The following PFKFB3 variants were observed in gnomAD, a reference collection of about 807,000 sequenced individuals.
The protein encoded by PFKFB3 is 6-phosphofructo-2-kinase/fructose-2,6-bisphosphatase 3.
Under a neutral mutation model 68.0 loss-of-function variants are expected in PFKFB3, and 33 were observed. That is an observed-to-expected ratio of 0.49 (90% CI 0.37 to 0.65). PFKFB3 has a LOEUF of 0.65. PFKFB3 is among the 30% of genes least tolerant of loss of function. The pLI is 0.00. For missense variants in PFKFB3, 586 were observed against 712.2 expected, an observed-to-expected ratio of 0.82 and a Z score of 2.02; for synonymous variants, 315 against 288.2, an observed-to-expected ratio of 1.09 and a Z score of -0.94.
chr10:6,231,883 G>T (rs888004261), intron 14 of PFKFB3, among the ~76,000 whole-genome samples: 1 of 151,402 alleles, frequency 6.6e-6, no homozygotes, highest in African/African-American at 2.4e-5. Flanking sequence ...ATCACCTCTC[G>T]GCGGGCACCC....
chr10:6,222,780 G>A, intron 10 of PFKFB3, 75 bp from the exon 11 acceptor site: 1 of 1,510,438 alleles, frequency 6.6e-7, no homozygotes, highest in Non-Finnish European at 8.9e-7. Flanking sequence ...TGGCCGGTCT[G>A]ATGCAGTCTG....
intron 1 of PFKFB3, among the ~76,000 whole-genome samples, chr10:6,177,389 T>TTTCTTTCTTTCTTTCTTTC (rs1554842893): frequency 0.066 from 8,040 of 122,604 alleles, 593 homozygotes; most frequent in South Asian, 0.096. Flanking sequence ...TCTTTCTTTC[T>TTTCTTTCTTTCTTTCTTTC]TTCTTTCTTT....
At chr10:6,224,770 G>A in intron 13 of PFKFB3, 1 of 319,556 alleles carries the variant, frequency 3.1e-6, no homozygotes, top group Non-Finnish European at 6.1e-6. Flanking sequence ...AAAGGTGTGA[G>A]CCGTTGTGCC....
At chr10:6,263,449 C>T in the PFKFB3 span, among the ~76,000 whole-genome samples, 1 of 152,166 alleles carries the variant, frequency 6.6e-6, no homozygotes, top group Admixed American at 6.6e-5. Context: ...AGTTTTGGGG[C>T]CAGTTTATGG....
At position 6,203,821 on chromosome 10, in the gene PFKFB3, T is replaced by C. The variant is rs144200284; in HGVS notation, c.76+485T>C. On this transcript the variant is annotated intron_variant, in intron 1 of 14. Coordinates refer to ENST00000379775, the MANE Select transcript of PFKFB3 (RefSeq NM_004566.4). Reference sequence around the variant, plus strand: ...CACTTAATAACCTATTTCTCTGTCCTGTTTTCTCTTTCGATATATATGTCT... The same window carrying C: ...CACTTAATAACCTATTTCTCTGTCCCGTTTTCTCTTTCGATATATATGTCT... 5.1e-3 allele frequency among the ~76,000 whole-genome samples: 784 copies of C among 152,332 alleles called. 7 individuals carry two copies. Among genetic ancestry groups the C allele is most frequent in the African/African-American group, 0.016 (657 of 41,572 alleles).
At chr10:6,299,879 C>T in the PFKFB3 span, among the ~76,000 whole-genome samples, 1 of 150,876 alleles carries the variant, frequency 6.6e-6, no homozygotes, top group African/African-American at 2.4e-5. Flanking sequence ...TCCATGTTTC[C>T]TTCACTGTCT....
chr10:6,242,559 C>T (rs1846162866), intron 14 of PFKFB3, among the ~76,000 whole-genome samples: 1 of 152,068 alleles, frequency 6.6e-6, no homozygotes, highest in Non-Finnish European at 1.5e-5. Context: ...AAACTGTTCC[C>T]ACCGTAGTGC....
chr10:6,229,030 A>T lies in PFKFB3; in HGVS notation c.1515+2665A>T. On this transcript the variant is annotated intron_variant, in intron 14 of 14. Coordinates refer to ENST00000379775, the MANE Select transcript of PFKFB3 (RefSeq NM_004566.4). This position sits in a 1 kb window ranked among gnomAD's most constrained non-coding sequence, Gnocchi z 4.3. ...TTTAATGACAGCCACATGAAGTGTC[A>T]TCCCCTTGCCCCCCCAAAAACACAC... 1 of 476,902 alleles carries T rather than the reference A, an allele frequency of 2.1e-6. No individual in the cohort carries two copies. The highest frequency in any genetic ancestry group is 4.3e-6 in the Non-Finnish European group (1 of 229,886). 29.5% of individuals were successfully genotyped at this position (476,902 alleles called of 1,614,324 possible). A position where few individuals can be genotyped will look rare whatever the true frequency, so the allele number is the denominator to read the frequency against.
intron 1 of PFKFB3, chr10:6,146,580 C>T (rs943119): frequency 0.12 from 149,583 of 1,290,424 alleles, 9,378 homozygotes; most frequent in East Asian, 0.23. Flanking sequence ...CTGCAGGGGA[C>T]AATCATTTAT....
downstream of PFKFB3, among the ~76,000 whole-genome samples, chr10:6,240,232 A>G (rs965701471): frequency 1.5e-5 from 2 of 136,122 alleles, no homozygotes; most frequent in Non-Finnish European, 3.2e-5. Context: ...GGTTTTTGGA[A>G]AACTTTTTAT....
chr10:6,302,332 G>A, the PFKFB3 span, among the ~76,000 whole-genome samples: 1 of 137,980 alleles, frequency 7.2e-6, no homozygotes, highest in Non-Finnish European at 1.5e-5. Flanking sequence ...TGGGATTACA[G>A]ATATAAGCCA....
Position 6,170,115 on chromosome 10 carries a change from A to G in PFKFB3, c.16+25102A>G, listed in dbSNP as rs560385509. Among the ~76,000 whole-genome samples the G allele has an allele frequency of 9.8e-4, 150 of 152,292 alleles. 1 individual carries two copies. Among genetic ancestry groups the G allele is most frequent in the African/African-American group, 3.2e-3 (135 of 41,568 alleles). On this transcript the variant is annotated intron_variant, in intron 1 of 14. Coordinates refer to the PFKFB3 transcript ENST00000379789. Reference sequence around the variant, plus strand: ...CCTGGGCCCACCCCGTGGTTCTTTAATGAAGACGATGGTTTTCCTTTTAAG... The same window carrying G: ...CCTGGGCCCACCCCGTGGTTCTTTAGTGAAGACGATGGTTTTCCTTTTAAG...
At chr10:6,209,182 C>A (rs1363215371) in intron 1 of PFKFB3, among the ~76,000 whole-genome samples, 1 of 152,154 alleles carries the variant, frequency 6.6e-6, no homozygotes. Flanking sequence ...CCCACGTGGC[C>A]ATGGTTGTAA....
At chr10:6,272,681 G>A in the PFKFB3 span, among the ~76,000 whole-genome samples, 1 of 151,890 alleles carries the variant, frequency 6.6e-6, no homozygotes, top group Admixed American at 6.6e-5. Context: ...GGTGACAGAG[G>A]GAGACTCTGT....
Position 6,153,200 on chromosome 10 carries a change from G to T in PFKFB3, c.16+8187G>T, listed in dbSNP as rs917309363. ...AAAAAGAAAGAAAGAAAGAAAGAAAGAAATAAGAACAGAGAAAAGCAAGAA... is the reference window on the plus strand; with the variant it reads ...AAAAAGAAAGAAAGAAAGAAAGAAATAAATAAGAACAGAGAAAAGCAAGAA... On this transcript the variant is annotated intron_variant, in intron 1 of 14. Transcript: ENST00000379789. Among the ~76,000 whole-genome samples, 6 of 119,792 alleles carry T rather than the reference G, an allele frequency of 5.0e-5. No individual in the cohort carries two copies. In the East Asian group the frequency reaches 8.5e-4, roughly 17 times the overall value. The allele number at this position is 119,792 out of a possible 152,430, so 78.6% of individuals were successfully genotyped here. A position where few individuals can be genotyped will look rare whatever the true frequency, so the allele number is the denominator to read the frequency against.
At chr10:6,243,179 G>A (rs1846177908) in intron 14 of PFKFB3, among the ~76,000 whole-genome samples, 1 of 152,188 alleles carries the variant, frequency 6.6e-6, no homozygotes, top group African/African-American at 2.4e-5. Context: ...TGTGAAGAAA[G>A]CCAGTGCTCC....
chr10:6,254,092 G>C (rs1242390154), intron 14 of PFKFB3: 4 of 365,034 alleles, frequency 1.1e-5, no homozygotes, highest in Non-Finnish European at 1.4e-5. Flanking sequence ...TGTACTTTCA[G>C]ATGGCTTTTT....
chr10:6,248,395 G>A (rs988156969), intron 14 of PFKFB3, among the ~76,000 whole-genome samples: 3 of 151,804 alleles, frequency 2.0e-5, no homozygotes, highest in Non-Finnish European at 2.9e-5. Context: ...GAGGGAGGCC[G>A]AGGTGGGCAA....
At chr10:6,324,337 G>A in the PFKFB3 span, among the ~76,000 whole-genome samples, 3 of 152,226 alleles carry the variant, frequency 2.0e-5, no homozygotes, top group African/African-American at 7.2e-5. Context: ...TACTTACGGT[G>A]AAATTCTGTA....
Sources: gnomAD v4.1 joint callset for allele counts (sites outside exome capture counted in the v4.1 genomes callset) on GRCh38, gnomAD v4.1.1 for gene constraint, Gnocchi (gnomAD v3.1) non-coding constraint, MANE v1.5 for transcripts, NCBI Gene and HGNC (gene_info 2026-07-23, HGNC 2026-07-21) for gene names.